NR2F1-AS1: variants seen among roughly 807,000 people sequenced by gnomAD.
NR2F1-AS1 encodes NR2F1 regulatory antisense RNA 1.
intron 2 of NR2F1-AS1, among the ~76,000 whole-genome samples, chr5:93,557,046 T>C (rs1212312446): frequency 2.0e-5 from 3 of 152,308 alleles, no homozygotes; most frequent in African/African-American, 7.2e-5. Context: ...GCCAATCTAG[T>C]GCCAAAAACT....
intron 1 of NR2F1-AS1, among the ~76,000 whole-genome samples, chr5:93,567,050 T>C (rs1258633968): frequency 1.3e-5 from 2 of 151,808 alleles, no homozygotes; most frequent in African/African-American, 4.8e-5. Flanking sequence ...TATTTTTTCT[T>C]TAAACAGTTC....
intron 4 of NR2F1-AS1, among the ~76,000 whole-genome samples, chr5:93,546,347 T>G (rs1298880720): frequency 6.6e-6 from 1 of 152,124 alleles, no homozygotes; most frequent in Non-Finnish European, 1.5e-5. Flanking sequence ...AAAACTCTTC[T>G]CAAAAATTTC....
intron 4 of NR2F1-AS1, among the ~76,000 whole-genome samples, chr5:93,486,749 T>G (rs1003791019): frequency 1.2e-4 from 18 of 152,122 alleles, no homozygotes; most frequent in Non-Finnish European, 2.9e-5. Context: ...CATTTTATGA[T>G]GCCAGCATCA....
chr5:93,506,229 T>C (rs982090354), intron 4 of NR2F1-AS1, among the ~76,000 whole-genome samples: 2 of 152,204 alleles, frequency 1.3e-5, no homozygotes, highest in South Asian at 2.1e-4. Flanking sequence ...CTCATCTCCA[T>C]CTGAGATCAT....
intron 4 of NR2F1-AS1, among the ~76,000 whole-genome samples, chr5:93,500,028 G>A (rs933539721): frequency 4.6e-5 from 7 of 152,200 alleles, no homozygotes; most frequent in Admixed American, 1.3e-4. Context: ...TTTAACGAAA[G>A]AAGCCATCTC....
At chr5:93,486,125 AG>A (rs1384786687) in intron 4 of NR2F1-AS1, among the ~76,000 whole-genome samples, 17 of 95,528 alleles carry the variant, frequency 1.8e-4, no homozygotes, top group Non-Finnish European at 6.2e-5. Context: ...GGGTGGGGGG[AG>A]GGGGGAGGGA....
chr5:93,461,361 AG>A (rs1483767702), intron 4 of NR2F1-AS1, among the ~76,000 whole-genome samples: 55 of 152,280 alleles, frequency 3.6e-4, no homozygotes, highest in Non-Finnish European at 6.8e-4. Flanking sequence ...GGAGAGCATC[AG>A]GAAGAACAGC....
intron 4 of NR2F1-AS1, among the ~76,000 whole-genome samples, chr5:93,426,533 A>G (rs1333276638): frequency 6.6e-6 from 1 of 152,144 alleles, no homozygotes; most frequent in East Asian, 1.9e-4. Flanking sequence ...AAACCTAACT[A>G]CCTGTGTGAT....
At chr5:93,481,466 G>A (rs1463920456) in intron 4 of NR2F1-AS1, among the ~76,000 whole-genome samples, 1 of 151,986 alleles carries the variant, frequency 6.6e-6, no homozygotes, top group Non-Finnish European at 1.5e-5. Context: ...ATAATAGTTG[G>A]AAACTTCAAT....
chr5:93,442,450 A>G (rs1257861704), intron 4 of NR2F1-AS1, among the ~76,000 whole-genome samples: 4 of 152,156 alleles, frequency 2.6e-5, no homozygotes, highest in Non-Finnish European at 5.9e-5. Flanking sequence ...CTGCTAGCAC[A>G]GCAGTCTGAG....
intron 4 of NR2F1-AS1, among the ~76,000 whole-genome samples, chr5:93,534,226 G>A (rs1344394055): frequency 6.6e-6 from 1 of 152,158 alleles, no homozygotes; most frequent in Non-Finnish European, 1.5e-5. Context: ...CGATTACCCT[G>A]TGAGGTAATA....
intron 4 of NR2F1-AS1, among the ~76,000 whole-genome samples, chr5:93,456,116 A>T (rs535412666): frequency 6.6e-6 from 1 of 152,342 alleles, no homozygotes; most frequent in East Asian, 1.9e-4. Context: ...ACAGATTGGA[A>T]AGGAAATAAT....
intron 4 of NR2F1-AS1, among the ~76,000 whole-genome samples, chr5:93,467,231 T>A (rs1750258541): frequency 6.6e-6 from 1 of 152,164 alleles, no homozygotes; most frequent in African/African-American, 2.4e-5. Context: ...AAATTCAGTG[T>A]TATTCCCATG....
intron 4 of NR2F1-AS1, among the ~76,000 whole-genome samples, chr5:93,526,861 C>T (rs375668643): frequency 1.3e-5 from 2 of 152,036 alleles, no homozygotes; most frequent in Non-Finnish European, 2.9e-5. Flanking sequence ...ATAATAAGAG[C>T]TATTTATAAC....
chr5:93,466,490 C>T (rs1418841828), intron 4 of NR2F1-AS1, among the ~76,000 whole-genome samples: 1 of 152,020 alleles, frequency 6.6e-6, no homozygotes, highest in East Asian at 1.9e-4. Flanking sequence ...GCGCCCACCA[C>T]CACGCCTGGC....
In NR2F1-AS1 at chr5:93,537,245, A is replaced by G. The variant is rs998960268; in HGVS notation, n.638+16516T>C. 8.5e-5 allele frequency among the ~76,000 whole-genome samples: 13 copies of G among 152,222 alleles called. No homozygotes were observed. The East Asian group carries it at 2.1e-3, about 25-fold the overall frequency. ...AGATGCTTATGGCATTGGGCTGGACAGGAATTTTTTAAATAAGACCTTAAA... is the reference window on the plus strand; with the variant it reads ...AGATGCTTATGGCATTGGGCTGGACGGGAATTTTTTAAATAAGACCTTAAA... On this transcript the variant is annotated intron_variant and non_coding_transcript_variant, in intron 4 of 5. Transcript: ENST00000660523.
chr5:93,466,056 T>G (rs1750223483), intron 4 of NR2F1-AS1, among the ~76,000 whole-genome samples: 1 of 151,630 alleles, frequency 6.6e-6, no homozygotes, highest in African/African-American at 2.4e-5. Flanking sequence ...ACATGTACCC[T>G]AGAACTTAAA....
chr5:93,582,549 A>C (rs1753127065), upstream of NR2F1-AS1, among the ~76,000 whole-genome samples: 1 of 152,370 alleles, frequency 6.6e-6, no homozygotes, highest in East Asian at 1.9e-4. Context: ...AGAAGAAAAC[A>C]ATCCAAATCC....
intron 4 of NR2F1-AS1, among the ~76,000 whole-genome samples, chr5:93,476,721 G>C (rs1750493190): frequency 1.3e-5 from 2 of 152,036 alleles, no homozygotes; most frequent in South Asian, 4.2e-4. Flanking sequence ...CTTCACACGA[G>C]CACAGCAGTA....
Sources: allele counts gnomAD v4.1 joint callset (sites outside exome capture counted in the v4.1 genomes callset), GRCh38; gene constraint gnomAD v4.1.1; transcripts MANE v1.5; gene names NCBI Gene and HGNC (gene_info 2026-07-23, HGNC 2026-07-21).